Variants in AK5 observed in about 807,000 individuals in gnomAD.
AK5 encodes the protein adenylate kinase 5.
Under a neutral mutation model 69.5 loss-of-function variants are expected in AK5, and 27 were observed. The observed-to-expected ratio is 0.39, with a 90% confidence interval of 0.29 to 0.54. The LOEUF (loss-of-function observed/expected upper bound fraction) is 0.54. Among genes scored for constraint, AK5 ranks in the 20% least tolerant of loss-of-function variants. The pLI, the probability that AK5 is intolerant of heterozygous loss-of-function variation, is 0.71. For missense variants in AK5, 531 were observed against 700.4 expected, an observed-to-expected ratio of 0.76 and a Z score of 2.73; for synonymous variants, 260 against 244.4, an observed-to-expected ratio of 1.06 and a Z score of -0.60.
At chr1:77,447,799 A>T (rs1045292599) in intron 8 of AK5, among the ~76,000 whole-genome samples, 1 of 152,220 alleles carries the variant, frequency 6.6e-6, no homozygotes, top group Non-Finnish European at 1.5e-5. Flanking sequence ...GAAACCAAAT[A>T]ACCTCCTGGG....
At chr1:77,438,902 A>G (rs1424321372) in intron 8 of AK5, among the ~76,000 whole-genome samples, 1 of 152,220 alleles carries the variant, frequency 6.6e-6, no homozygotes, top group East Asian at 1.9e-4. Context: ...TGCAAGGTCC[A>G]TTATTAAGGT....
intron 6 of AK5, among the ~76,000 whole-genome samples, chr1:77,341,203 G>A (rs1420419843): frequency 6.6e-6 from 1 of 152,208 alleles, no homozygotes; most frequent in African/African-American, 2.4e-5. Context: ...TGAATCATTA[G>A]TTTGTACAGT....
At chr1:77,342,236 A>G (rs1661694050) in intron 6 of AK5, among the ~76,000 whole-genome samples, 1 of 152,160 alleles carries the variant, frequency 6.6e-6, no homozygotes, top group Non-Finnish European at 1.5e-5. Context: ...TCATAAAAAA[A>G]GAAATTTGCC....
chr1:77,308,268 C>T (rs1659752252), intron 5 of AK5, among the ~76,000 whole-genome samples: 1 of 151,938 alleles, frequency 6.6e-6, no homozygotes, highest in African/African-American at 2.4e-5. Context: ...AGTCCCCAGG[C>T]CTGTCATTTT....
rs529069630 is a variant in AK5 at position 77,370,442 on chromosome 1, C to G, written c.891+29874C>G. Among the ~76,000 whole-genome samples the G allele has an allele frequency of 1.5e-4, 23 of 152,238 alleles. No individual in the cohort carries two copies. The South Asian group carries it at 3.9e-3, about 26-fold the overall frequency. On this transcript the variant is annotated intron_variant, in intron 6 of 13. Coordinates refer to ENST00000354567, the MANE Select transcript of AK5 (RefSeq NM_174858.3). ...CACACCATGCAGAAAAAACTACAAA[C>G]AGACTTGGGGGGACTTGGATCACAA...
chr1:77,304,582 T>G (rs1570346313), intron 5 of AK5, among the ~76,000 whole-genome samples: 1 of 152,214 alleles, frequency 6.6e-6, no homozygotes, highest in East Asian at 1.9e-4. Flanking sequence ...ATTTTGTATT[T>G]TTAGTAGACA....
chr1:77,513,523 T>C (rs1344317608), intron 10 of AK5, among the ~76,000 whole-genome samples: 1 of 152,212 alleles, frequency 6.6e-6, no homozygotes, highest in Non-Finnish European at 1.5e-5. Flanking sequence ...CTGGAGTTAG[T>C]AAGATGCAAT....
At chr1:77,543,926 T>TACACAC (rs142574877) in intron 13 of AK5, among the ~76,000 whole-genome samples, 230 of 147,962 alleles carry the variant, frequency 1.6e-3, no homozygotes, top group African/African-American at 5.1e-3. Flanking sequence ...TATGTGAGAG[T>TACACAC]ACACACACAC....
chr1:77,332,407 T>C (rs1175444064), intron 5 of AK5, among the ~76,000 whole-genome samples: 1 of 150,672 alleles, frequency 6.6e-6, no homozygotes, highest in Non-Finnish European at 1.5e-5. Flanking sequence ...TTTTTCTTTT[T>C]TTTTTTACCA....
chr1:77,478,665 C>T (rs911213921), intron 8 of AK5, among the ~76,000 whole-genome samples: 4 of 152,176 alleles, frequency 2.6e-5, no homozygotes, highest in African/African-American at 9.7e-5. Flanking sequence ...GTTCTGTCAC[C>T]AGGAGCAGTC....
intron 6 of AK5, among the ~76,000 whole-genome samples, chr1:77,394,107 C>T (rs146099999): frequency 5.3e-4 from 80 of 151,054 alleles, no homozygotes; most frequent in African/African-American, 1.7e-3. Context: ...TCCAGCTACT[C>T]GGGAGGCTGA....
At chr1:77,436,339 T>C (rs551226373) in intron 8 of AK5, among the ~76,000 whole-genome samples, 12 of 152,058 alleles carry the variant, frequency 7.9e-5, no homozygotes, top group Admixed American at 2.0e-4. Context: ...TACAGAATTA[T>C]ATATGTTAAT....
At chr1:77,464,117 G>C (rs997450055) in intron 8 of AK5, among the ~76,000 whole-genome samples, 3 of 152,190 alleles carry the variant, frequency 2.0e-5, no homozygotes, top group African/African-American at 7.2e-5. Context: ...TGAAGACAGG[G>C]TCCTTTGTCC....
In AK5 at chr1:77,344,622, A is replaced by G. The variant is rs189039691; in HGVS notation, c.891+4054A>G. Among the ~76,000 whole-genome samples, 7 of 152,292 alleles carry G rather than the reference A, an allele frequency of 4.6e-5. No individual in the cohort carries two copies. The East Asian group carries it at 1.3e-3, about 29-fold the overall frequency. ...TCTTGAATAATAATTTCCCTTTTATAGATTTTTACAGTTCCAATAAAATGT... is the reference window on the plus strand; with the variant it reads ...TCTTGAATAATAATTTCCCTTTTATGGATTTTTACAGTTCCAATAAAATGT... On this transcript the variant is annotated intron_variant, in intron 6 of 13. Coordinates refer to ENST00000354567, the MANE Select transcript of AK5 (RefSeq NM_174858.3).
chr1:77,382,025 GTTGCTGCA>G (rs1285343272), intron 6 of AK5, among the ~76,000 whole-genome samples: 1 of 152,146 alleles, frequency 6.6e-6, no homozygotes. Flanking sequence ...GTCAAAGGTG[GTTGCTGCA>G]TTGCCTGGAG....
intron 6 of AK5, among the ~76,000 whole-genome samples, chr1:77,403,169 T>G (rs1649358076): frequency 1.3e-5 from 2 of 152,328 alleles, no homozygotes; most frequent in East Asian, 1.9e-4. Flanking sequence ...TAAATTTGTT[T>G]GAGTTCATTG....
intron 8 of AK5, among the ~76,000 whole-genome samples, chr1:77,443,821 A>G (rs1652491237): frequency 1.3e-5 from 2 of 151,856 alleles, no homozygotes; most frequent in African/African-American, 2.4e-5. Context: ...TTTATTGTAT[A>G]TGTGTAAGGT....
intron 8 of AK5, among the ~76,000 whole-genome samples, chr1:77,470,971 C>T (rs1203069312): frequency 1.4e-5 from 2 of 146,572 alleles, no homozygotes; most frequent in Non-Finnish European, 3.0e-5. Context: ...ACCTCTGCCT[C>T]CTGGGTTCAA....
intron 12 of AK5, among the ~76,000 whole-genome samples, chr1:77,528,684 G>A (rs1658416463): frequency 6.6e-6 from 1 of 152,182 alleles, no homozygotes; most frequent in Non-Finnish European, 1.5e-5. Flanking sequence ...CTGTGTATAT[G>A]TACATGTATG....
Sources: gnomAD v4.1 joint callset for allele counts (sites outside exome capture counted in the v4.1 genomes callset) on GRCh38, gnomAD v4.1.1 for gene constraint, MANE v1.5 for transcripts, NCBI Gene and HGNC (gene_info 2026-07-23, HGNC 2026-07-21) for gene names.